Variants in C16orf74 observed in about 807,000 individuals in gnomAD.
The protein encoded by C16orf74 is calcimembrin.
A neutral mutation model predicts 6.5 loss-of-function variants in C16orf74; 10 were observed. That is an observed-to-expected ratio of 1.54 (90% CI 0.95 to 2.61). The LOEUF (loss-of-function observed/expected upper bound fraction) is 2.61, where lower values mean the gene tolerates loss of function less well. C16orf74 is among the 30% of genes most tolerant of loss of function. The pLI, the probability that C16orf74 is intolerant of heterozygous loss-of-function variation, is 0.00. For missense variants in C16orf74, 141 were observed against 105.9 expected, an observed-to-expected ratio of 1.33 and a Z score of -1.45; for synonymous variants, 60 against 42.5, an observed-to-expected ratio of 1.41 and a Z score of -1.60.
At chr16:85,710,898 G>C (rs1179839916) in intron 2 of C16orf74, 1 of 152,298 alleles carries the variant, frequency 6.6e-6, no homozygotes, top group Non-Finnish European at 1.5e-5. Flanking sequence ...TGAATGACAT[G>C]ATTTATTTTT....
intron 1 of C16orf74, among the ~76,000 whole-genome samples, chr16:85,745,758 A>G (rs913773680): frequency 3.2e-4 from 46 of 145,502 alleles, no homozygotes; most frequent in African/African-American, 1.2e-3. Context: ...TGCCTACCAG[A>G]GACAGAATCT....
intron 2 of C16orf74, among the ~76,000 whole-genome samples, chr16:85,716,545 A>C (rs2054026002): frequency 8.1e-6 from 1 of 123,328 alleles, no homozygotes; most frequent in Admixed American, 8.2e-5. Context: ...GAGGGAGGGA[A>C]GGAGGACAGA....
chr16:85,731,762 A>C (rs2054190601), intron 2 of C16orf74, among the ~76,000 whole-genome samples: 1 of 151,612 alleles, frequency 6.6e-6, no homozygotes, highest in African/African-American at 2.4e-5. Flanking sequence ...ATCACAGCTC[A>C]CTGCAGCCTT....
chr16:85,733,846 C>T (rs1598800054), intron 2 of C16orf74, among the ~76,000 whole-genome samples: 1 of 152,170 alleles, frequency 6.6e-6, no homozygotes. Flanking sequence ...AAACGACACC[C>T]CGATTTTCAC....
chr16:85,745,088 C>G (rs2054358187), intron 1 of C16orf74, among the ~76,000 whole-genome samples: 1 of 135,272 alleles, frequency 7.4e-6, no homozygotes, highest in Non-Finnish European at 1.5e-5. Context: ...TTGTGGAGAG[C>G]TGAGATTCCA....
At chr16:85,729,141 G>T (rs551694159) in intron 2 of C16orf74, among the ~76,000 whole-genome samples, 2 of 152,164 alleles carry the variant, frequency 1.3e-5, no homozygotes, top group Non-Finnish European at 2.9e-5. Context: ...TTCCCCTTCC[G>T]TCTGTGGAGC....
intron 1 of C16orf74, among the ~76,000 whole-genome samples, chr16:85,739,118 T>A (rs1234252516): frequency 6.6e-6 from 1 of 151,844 alleles, no homozygotes; most frequent in Non-Finnish European, 1.5e-5. Context: ...CTGGCTCTCC[T>A]GCCGCCAGCC....
chr16:85,731,991 G>C (rs2054193874), intron 2 of C16orf74, among the ~76,000 whole-genome samples: 1 of 152,210 alleles, frequency 6.6e-6, no homozygotes, highest in Non-Finnish European at 1.5e-5. Flanking sequence ...GTGCAGCCCC[G>C]CAGATGTAAT....
intron 1 of C16orf74, among the ~76,000 whole-genome samples, chr16:85,736,495 G>C (rs1050570562): frequency 5.3e-5 from 8 of 152,172 alleles, no homozygotes; most frequent in African/African-American, 1.7e-4. Flanking sequence ...GGAGGAGAAG[G>C]AGCTGGAAGT....
chr16:85,729,365 G>A (rs1466190862), intron 2 of C16orf74, among the ~76,000 whole-genome samples: 1 of 152,216 alleles, frequency 6.6e-6, no homozygotes, highest in Admixed American at 6.5e-5. Flanking sequence ...CCAGGCCCTT[G>A]AGCAGAGGGA....
At chr16:85,749,455 A>C (rs2152067924) in intron 1 of C16orf74, among the ~76,000 whole-genome samples, 1 of 151,860 alleles carries the variant, frequency 6.6e-6, no homozygotes, top group East Asian at 1.9e-4. Flanking sequence ...GCTCATTAAA[A>C]AATTTTTAGT....
chr16:85,711,888 G>C (rs1173182168), intron 2 of C16orf74, among the ~76,000 whole-genome samples: 1 of 152,196 alleles, frequency 6.6e-6, no homozygotes, highest in Non-Finnish European at 1.5e-5. Context: ...ACCACTGTAG[G>C]GTCAGTGTGG....
intron 1 of C16orf74, among the ~76,000 whole-genome samples, chr16:85,740,082 C>A (rs1333475467): frequency 2.7e-5 from 4 of 148,972 alleles, no homozygotes; most frequent in Admixed American, 6.7e-5. Flanking sequence ...TGGTGGCAGG[C>A]ACCCGTAATC....
chr16:85,726,558 G>C (rs983461250), intron 2 of C16orf74, among the ~76,000 whole-genome samples: 3 of 152,280 alleles, frequency 2.0e-5, no homozygotes, highest in African/African-American at 7.2e-5. Context: ...CCATTTTACA[G>C]ACAGGGACAG....
chr16:85,717,084 C>A (rs1477442847), intron 2 of C16orf74, among the ~76,000 whole-genome samples: 11 of 152,214 alleles, frequency 7.2e-5, no homozygotes. Flanking sequence ...GGTCACCAGG[C>A]CCTGACCCCC....
chr16:85,733,130 C>T (rs1384865146), intron 2 of C16orf74, among the ~76,000 whole-genome samples: 1 of 152,170 alleles, frequency 6.6e-6, no homozygotes, highest in Non-Finnish European at 1.5e-5. Flanking sequence ...CTGACACAAT[C>T]GCCAAAAGGT....
chr16:85,732,379 C>T (rs1257951352), intron 2 of C16orf74, among the ~76,000 whole-genome samples: 1 of 152,140 alleles, frequency 6.6e-6, no homozygotes, highest in Non-Finnish European at 1.5e-5. Flanking sequence ...AAATGATTCT[C>T]TCTGGGCCAG....
At chr16:85,727,252 A>G (rs996642393) in intron 2 of C16orf74, among the ~76,000 whole-genome samples, 8 of 152,168 alleles carry the variant, frequency 5.3e-5, no homozygotes, top group Non-Finnish European at 1.0e-4. Context: ...TTTTGGGTTG[A>G]CCAGGGGCTA....
intron 1 of C16orf74, 111 bp from the exon 2 acceptor site, chr16:85,735,346 G>A: frequency 1.7e-6 from 1 of 585,674 alleles, no homozygotes. Context: ...AGGAGGTTGT[G>A]GTGGAGAGAA....
Sources: allele counts gnomAD v4.1 joint callset (sites outside exome capture counted in the v4.1 genomes callset), GRCh38; gene constraint gnomAD v4.1.1; transcripts MANE v1.5; gene names NCBI Gene and HGNC (gene_info 2026-07-23, HGNC 2026-07-21).